FOXP1: variants seen among roughly 807,000 people sequenced by gnomAD.
FOXP1 encodes the protein forkhead box P1.
FOXP1 carries 15 observed loss-of-function variants against 98.2 expected under a neutral mutation model. The observed-to-expected ratio is 0.15, with a 90% CI of 0.10 to 0.24. The LOEUF (loss-of-function observed/expected upper bound fraction) is 0.24. FOXP1 is among the 10% of genes least tolerant of loss of function. The pLI is 1.00. For synonymous variants in FOXP1, 371 were observed against 314.5 expected (o/e 1.18, Z -1.90); for missense variants, 633 against 848.5 (o/e 0.75, Z 3.15).
intron 11 of FOXP1, among the ~76,000 whole-genome samples, chr3:71,020,305 G>A (rs921520690): frequency 2.6e-5 from 4 of 152,066 alleles, no homozygotes; most frequent in African/African-American, 9.7e-5. Context: ...TAGGATATAA[G>A]GGTGTCATTT....
chr3:71,525,677 A>G (rs2043320222), intron 2 of FOXP1, among the ~76,000 whole-genome samples: 2 of 152,126 alleles, frequency 1.3e-5, no homozygotes. Context: ...TGAGGCCTTT[A>G]TATTTATTTA....
intron 6 of FOXP1, among the ~76,000 whole-genome samples, chr3:71,143,673 C>G (rs1020177440): frequency 1.3e-5 from 2 of 152,116 alleles, no homozygotes; most frequent in African/African-American, 4.8e-5. Context: ...ATGGGAGGAT[C>G]GCTTGAGCCC....
At chr3:71,162,984 A>G (rs1031741543) in intron 6 of FOXP1, among the ~76,000 whole-genome samples, 2 of 152,234 alleles carry the variant, frequency 1.3e-5, no homozygotes, top group African/African-American at 4.8e-5. Context: ...AATGCAACAG[A>G]AAGAAACTGA....
intron 3 of FOXP1, among the ~76,000 whole-genome samples, chr3:71,482,862 G>A (rs1360932966): frequency 3.3e-5 from 5 of 150,470 alleles, no homozygotes; most frequent in African/African-American, 1.2e-4. Context: ...CCAACGTCTG[G>A]CTCTGTCACC....
intron 5 of FOXP1, among the ~76,000 whole-genome samples, chr3:71,207,909 T>G (rs950333127): frequency 2.0e-5 from 3 of 152,140 alleles, no homozygotes; most frequent in Non-Finnish European, 4.4e-5. Context: ...TTGCTTTACT[T>G]AACTAGAAAT....
chr3:71,530,413 A>C (rs555081281), intron 2 of FOXP1, among the ~76,000 whole-genome samples: 1 of 152,290 alleles, frequency 6.6e-6, no homozygotes, highest in Admixed American at 6.5e-5. Flanking sequence ...CAGAACTGAA[A>C]TAACTAATAA....
chr3:71,326,714 G>A (rs1266618029), intron 4 of FOXP1, among the ~76,000 whole-genome samples: 1 of 152,134 alleles, frequency 6.6e-6, no homozygotes, highest in Non-Finnish European at 1.5e-5. Flanking sequence ...TGTATTAGGT[G>A]GGTAAATATT....
intron 11 of FOXP1, among the ~76,000 whole-genome samples, chr3:71,031,944 T>A (rs1260468539): frequency 1.3e-5 from 2 of 152,196 alleles, no homozygotes; most frequent in East Asian, 1.9e-4. Flanking sequence ...CCTGCTGAGT[T>A]AACCACGTGC....
chr3:71,100,556 G>T lies in FOXP1; in HGVS notation c.282+11980C>A, dbSNP rs144815865. Among the ~76,000 whole-genome samples the T allele has an allele frequency of 3.8e-4, 58 of 152,304 alleles. 1 individual carries two copies. The highest frequency in any genetic ancestry group is 1.2e-3 in the African/African-American group (51 of 41,570). ...GTCACATGGTGGAGAACTTAGGAACGGGACAGCCCTTCACATCATGTGGTT... is the reference window on the plus strand; with the variant it reads ...GTCACATGGTGGAGAACTTAGGAACTGGACAGCCCTTCACATCATGTGGTT... On this transcript the variant is annotated intron_variant, in intron 7 of 20. Coordinates refer to ENST00000649528, the MANE Select transcript of FOXP1 (RefSeq NM_001349338.3).
At chr3:71,380,585 A>G (rs968099055) in intron 3 of FOXP1, among the ~76,000 whole-genome samples, 8 of 152,234 alleles carry the variant, frequency 5.3e-5, no homozygotes, top group Non-Finnish European at 4.4e-5. Flanking sequence ...GCAACTTAGA[A>G]TAAGTTCACA....
At chr3:71,327,923 G>A (rs2076015465) in intron 4 of FOXP1, among the ~76,000 whole-genome samples, 1 of 152,114 alleles carries the variant, frequency 6.6e-6, no homozygotes, top group Non-Finnish European at 1.5e-5. Flanking sequence ...TTCTAAATCA[G>A]TAATGTTCTC....
At chr3:71,389,447 G>C (rs1394807861) in intron 3 of FOXP1, among the ~76,000 whole-genome samples, 2 of 152,016 alleles carry the variant, frequency 1.3e-5, no homozygotes, top group Non-Finnish European at 2.9e-5. Context: ...GTTGCAGTAA[G>C]GGTTACCTGA....
At chr3:71,137,074 G>A (rs1215199738) in intron 6 of FOXP1, among the ~76,000 whole-genome samples, 1 of 152,214 alleles carries the variant, frequency 6.6e-6, no homozygotes, top group Admixed American at 6.5e-5. Context: ...GGCAGGGATG[G>A]AAAGAGAAGG....
At chr3:70,961,284 G>A (rs983542420) in intron 20 of FOXP1, among the ~76,000 whole-genome samples, 4 of 152,118 alleles carry the variant, frequency 2.6e-5, no homozygotes, top group Admixed American at 6.5e-5. Flanking sequence ...AGGCTGGAGT[G>A]CAGTGGCAGG....
chr3:71,178,788 G>A (rs1043006826), intron 6 of FOXP1, among the ~76,000 whole-genome samples: 1 of 151,952 alleles, frequency 6.6e-6, no homozygotes, highest in South Asian at 2.1e-4. Flanking sequence ...GGAGGCTGAA[G>A]CAGGAGAATG....
In FOXP1 at chr3:71,339,483, T is replaced by G. The variant is rs80304552; in HGVS notation, c.-73+19667A>C. Reference sequence around the variant, plus strand: ...TCCTGGAGGAGTCTCCTCTCCTTGTTGTAACTCTTCAGCGTATCAGTGTCT... The same window carrying G: ...TCCTGGAGGAGTCTCCTCTCCTTGTGGTAACTCTTCAGCGTATCAGTGTCT... On this transcript the variant is annotated intron_variant, in intron 4 of 20. Coordinates refer to ENST00000649528, the MANE Select transcript of FOXP1 (RefSeq NM_001349338.3). Among the ~76,000 whole-genome samples, 376 of 152,358 alleles carry G rather than the reference T, an allele frequency of 2.5e-3. 2 individuals are homozygous for G. Among genetic ancestry groups the G allele is most frequent in the African/African-American group, 8.8e-3 (367 of 41,580 alleles).
chr3:71,461,554 G>A (rs566944044), intron 3 of FOXP1, among the ~76,000 whole-genome samples: 35 of 152,196 alleles, frequency 2.3e-4, no homozygotes, highest in Admixed American at 5.2e-4. Flanking sequence ...TGTAATCCCA[G>A]CACTTTGGGA....
At chr3:70,971,233 T>C (rs1430933311) in intron 18 of FOXP1, 3 of 275,962 alleles carry the variant, frequency 1.1e-5, no homozygotes, top group African/African-American at 6.6e-5. Flanking sequence ...AGATTTGAAC[T>C]TTACAGTGAC....
intron 4 of FOXP1, among the ~76,000 whole-genome samples, chr3:71,320,669 A>C (rs1327849483): frequency 6.6e-6 from 1 of 152,152 alleles, no homozygotes; most frequent in Non-Finnish European, 1.5e-5. Context: ...GCTCTATCCC[A>C]GTCTACAAAA....
Sources: gnomAD v4.1 joint callset for allele counts (sites outside exome capture counted in the v4.1 genomes callset) on GRCh38, gnomAD v4.1.1 for gene constraint, MANE v1.5 for transcripts, NCBI Gene and HGNC (gene_info 2026-07-23, HGNC 2026-07-21) for gene names.